RSPH9: variants seen among roughly 807,000 people sequenced by gnomAD.
RSPH9 encodes the protein radial spoke head component 9, also known as radial spoke head protein 9 homolog.
A neutral mutation model predicts 27.0 loss-of-function variants in RSPH9; 27 were observed. The observed-to-expected ratio is 1.00, with a 90% confidence interval of 0.74 to 1.38. The LOEUF is 1.38. Ranked by LOEUF, RSPH9 falls within the 40% of genes most tolerant of loss-of-function variation. RSPH9 has a pLI of 0.00. For missense variants in RSPH9, 347 were observed against 357.4 expected (o/e 0.97, Z 0.24); for synonymous variants, 145 against 147.7 (o/e 0.98, Z 0.13).
chr6:43,661,741 C>T lies in RSPH9; in HGVS notation c.670+5018C>T, dbSNP rs571805648. 4.0e-5 allele frequency among the ~76,000 whole-genome samples: 6 copies of T among 150,838 alleles called. No homozygotes were observed. The South Asian group carries it at 1.0e-3, about 26-fold the overall frequency. On this transcript the variant is annotated intron_variant, in intron 4 of 4. Coordinates refer to ENST00000372163, the MANE Select transcript of RSPH9 (RefSeq NM_152732.5). ...AGGCTGTTTCATCTCCATTAAAAAT[C>T]TATTGTTTAGTGTAGCCGCCTTAAT...
chr6:43,661,218 A>G (rs557983417), intron 4 of RSPH9, among the ~76,000 whole-genome samples: 156 of 152,350 alleles, frequency 1.0e-3, no homozygotes, highest in Non-Finnish European at 2.0e-3. Flanking sequence ...TAGATTTAGC[A>G]TAATTCTTAA....
intron 4 of RSPH9, among the ~76,000 whole-genome samples, chr6:43,662,949 T>A (rs1772785127): frequency 1.3e-5 from 2 of 149,348 alleles, no homozygotes; most frequent in South Asian, 4.2e-4. Flanking sequence ...ACGCAATAGG[T>A]GTGTGCACCA....
At chr6:43,659,253 G>C (rs1043578367) in intron 4 of RSPH9, among the ~76,000 whole-genome samples, 1 of 146,464 alleles carries the variant, frequency 6.8e-6, no homozygotes, top group Non-Finnish European at 1.5e-5. Context: ...ATGGAGTCTC[G>C]CTCTTGTAAC....
At chr6:43,654,331 A>T (rs1771791126) in intron 2 of RSPH9, among the ~76,000 whole-genome samples, 1 of 152,232 alleles carries the variant, frequency 6.6e-6, no homozygotes, top group African/African-American at 2.4e-5. Flanking sequence ...TGCTTGCAAA[A>T]TAATGTTAAA....
At chr6:43,648,311 TAGTTTGGTCA>T (rs2127885745) in intron 1 of RSPH9, among the ~76,000 whole-genome samples, 1 of 151,542 alleles carries the variant, frequency 6.6e-6, no homozygotes. Context: ...CTATTTTAAA[TAGTTTGGTCA>T]GGGATAGCCT....
intron 4 of RSPH9, chr6:43,666,319 G>T (rs1183941068): frequency 6.8e-6 from 6 of 887,882 alleles, no homozygotes; most frequent in Non-Finnish European, 1.1e-5. Context: ...GCTGCTAATT[G>T]GGGCCAAAAT....
At chr6:43,667,368 C>G (rs1316440074) in intron 4 of RSPH9, among the ~76,000 whole-genome samples, 1 of 152,228 alleles carries the variant, frequency 6.6e-6, no homozygotes, top group African/African-American at 2.4e-5. Context: ...GGGGCTCCTT[C>G]CCAAGCAATT....
chr6:43,653,492 G>A (rs1174347834), intron 2 of RSPH9, among the ~76,000 whole-genome samples: 5 of 151,372 alleles, frequency 3.3e-5, no homozygotes, highest in Non-Finnish European at 7.4e-5. Context: ...CTTCCATTGT[G>A]TGTAATTCCT....
At chr6:43,653,753 C>T (rs949307592) in intron 2 of RSPH9, among the ~76,000 whole-genome samples, 1 of 152,018 alleles carries the variant, frequency 6.6e-6, no homozygotes, top group African/African-American at 2.4e-5. Flanking sequence ...AGTGCAATGG[C>T]GTGGTCTCGG....
chr6:43,662,667 G>A (rs988489341), intron 4 of RSPH9, among the ~76,000 whole-genome samples: 11 of 151,934 alleles, frequency 7.2e-5, no homozygotes, highest in Non-Finnish European at 1.3e-4. Flanking sequence ...ACGCCTGGCC[G>A]GCTGTTTCAC....
At chr6:43,666,662 C>G in intron 4 of RSPH9, 1 of 589,362 alleles carries the variant, frequency 1.7e-6, no homozygotes, top group African/African-American at 1.9e-5. Flanking sequence ...GAGTGGGTAG[C>G]TGGTTCTGGG....
intron 4 of RSPH9, 145 bp downstream of exon 4, chr6:43,656,868 C>T: frequency 1.2e-6 from 1 of 831,710 alleles, no homozygotes; most frequent in Non-Finnish European, 2.0e-6. Context: ...GTGGAGCTTC[C>T]CCAGGGCCCA....
At chr6:43,659,618 G>A (rs954065831) in intron 4 of RSPH9, among the ~76,000 whole-genome samples, 8 of 152,092 alleles carry the variant, frequency 5.3e-5, no homozygotes, top group South Asian at 4.1e-4. Context: ...GCCTGACCTC[G>A]TGATCCGCCT....
Position 43,645,242 on chromosome 6 carries a change from C to T in RSPH9, c.144C>T (p.Gly48=). The T allele has an allele frequency of 1.2e-6, 2 of 1,614,086 alleles. No homozygotes were observed. Among genetic ancestry groups the T allele is most frequent in the African/African-American group, 1.3e-5 (1 of 75,060 alleles). Residue 48 remains glycine (G), a synonymous_variant, in exon 1 of 5, where the codon GGC becomes GGT. Coordinates refer to ENST00000372163, the MANE Select transcript of RSPH9 (RefSeq NM_152732.5). ...DYRYDRVLFW[G]RILGLVADYY... is the part of the protein sequence containing the mutation. ...GCTATGATCGGGTTCTCTTCTGGGG[C>T]CGCATCCTTGGCCTCGTCGCCGATT...
intron 1 of RSPH9, among the ~76,000 whole-genome samples, chr6:43,646,346 G>C (rs982443531): frequency 1.6e-4 from 25 of 151,656 alleles, no homozygotes; most frequent in Admixed American, 5.9e-4. Flanking sequence ...GTGTTAGCTA[G>C]GATGGTCTCG....
intron 4 of RSPH9, among the ~76,000 whole-genome samples, chr6:43,658,298 AAAAAAAAAAAAAG>A (rs1582388776): frequency 7.0e-6 from 1 of 143,100 alleles, no homozygotes; most frequent in East Asian, 2.0e-4. Context: ...TCTCAAAAAA[AAAAAAAAAAAAAG>A]AAAAAAAAAA....
intron 3 of RSPH9, among the ~76,000 whole-genome samples, chr6:43,655,988 A>ACTTCCTTCCTTCCTTCCTTCCTTC (rs70993404): frequency 1.1e-3 from 120 of 113,704 alleles, no homozygotes; most frequent in Admixed American, 2.6e-3. Context: ...TCCTCCTTGG[A>ACTTCCTTCCTTCCTTCCTTCCTTC]CTTCCTTCCT....
intron 4 of RSPH9, among the ~76,000 whole-genome samples, chr6:43,662,793 A>AT (rs910453071): frequency 6.6e-6 from 1 of 151,796 alleles, no homozygotes; most frequent in African/African-American, 2.4e-5. Flanking sequence ...GCCTATCTCA[A>AT]TTTTTTTTAT....
chr6:43,656,255 T>A (rs1371830686), intron 3 of RSPH9, among the ~76,000 whole-genome samples: 1 of 152,072 alleles, frequency 6.6e-6, no homozygotes, highest in Non-Finnish European at 1.5e-5. Flanking sequence ...TCGGCTAATT[T>A]TTGTATTTTT....
Sources: allele counts gnomAD v4.1 joint callset (sites outside exome capture counted in the v4.1 genomes callset), GRCh38; gene constraint gnomAD v4.1.1; transcripts MANE v1.5; gene names NCBI Gene and HGNC (gene_info 2026-07-23, HGNC 2026-07-21).